The following SUGCT variants were observed in gnomAD, a reference collection of about 807,000 sequenced individuals.
SUGCT encodes the protein succinyl-CoA:glutarate-CoA transferase, also known as succinyl-CoA:glutarate CoA-transferase.
In SUGCT, 41 loss-of-function variants were observed where a neutral mutation model predicts 55.0. The observed-to-expected ratio is 0.74, with a 90% CI of 0.58 to 0.97. The LOEUF (loss-of-function observed/expected upper bound fraction) is 0.97. Among genes scored for constraint, SUGCT ranks in the 50% least tolerant of loss-of-function variants. SUGCT has a pLI of 0.00. For synonymous variants in SUGCT, 187 were observed against 200.4 expected (o/e 0.93, Z 0.56); for missense variants, 568 against 547.8 (o/e 1.04, Z -0.37).
chr7:40,702,032 A>G (rs1785191382), intron 12 of SUGCT, among the ~76,000 whole-genome samples: 1 of 152,232 alleles, frequency 6.6e-6, no homozygotes, highest in African/African-American at 2.4e-5. Context: ...GGGTTACATC[A>G]TCACAGGATT....
chr7:41,025,820 T>A, the SUGCT span, among the ~76,000 whole-genome samples: 1 of 152,146 alleles, frequency 6.6e-6, no homozygotes, highest in East Asian at 1.9e-4. Flanking sequence ...AAAGAAGGTG[T>A]ATTAGATTTT....
At chr7:40,159,357 T>C (rs939768938) in intron 1 of SUGCT, among the ~76,000 whole-genome samples, 5 of 152,050 alleles carry the variant, frequency 3.3e-5, no homozygotes, top group African/African-American at 1.2e-4. Flanking sequence ...GGATTCTAGT[T>C]TTTTTTAATT....
chr7:40,829,154 T>C (rs1241493248), intron 13 of SUGCT, among the ~76,000 whole-genome samples: 1 of 152,146 alleles, frequency 6.6e-6, no homozygotes, highest in African/African-American at 2.4e-5. Context: ...CCTTATATGG[T>C]TCCAGGAACT....
intron 13 of SUGCT, among the ~76,000 whole-genome samples, chr7:40,852,924 T>C (rs1793928117): frequency 6.6e-6 from 1 of 152,170 alleles, no homozygotes; most frequent in South Asian, 2.1e-4. Context: ...GAGCATTGGG[T>C]TTAATAAGTG....
chr7:40,910,576 C>T, the SUGCT span, among the ~76,000 whole-genome samples: 1 of 152,082 alleles, frequency 6.6e-6, no homozygotes, highest in African/African-American at 2.4e-5. Context: ...AGAATGCCTG[C>T]CTATGTGTCT....
chr7:40,141,412 A>G (rs1441456421), intron 1 of SUGCT, among the ~76,000 whole-genome samples: 5 of 152,030 alleles, frequency 3.3e-5, no homozygotes, highest in African/African-American at 1.2e-4. Flanking sequence ...AGGCAGATGG[A>G]TCACAAGGTT....
the SUGCT span, among the ~76,000 whole-genome samples, chr7:40,953,624 G>A: frequency 6.6e-6 from 1 of 152,024 alleles, no homozygotes; most frequent in East Asian, 1.9e-4. Context: ...ATACAGGTGG[G>A]GTTTTGGTGT....
At chr7:40,786,725 C>CT (rs1161550652) in intron 13 of SUGCT, among the ~76,000 whole-genome samples, 4 of 151,750 alleles carry the variant, frequency 2.6e-5, no homozygotes, top group Non-Finnish European at 5.9e-5. Flanking sequence ...AATCATACCC[C>CT]CTCACTAAAA....
At chr7:40,676,785 G>A (rs544370483) in intron 12 of SUGCT, among the ~76,000 whole-genome samples, 2 of 152,220 alleles carry the variant, frequency 1.3e-5, no homozygotes, top group East Asian at 3.9e-4. Context: ...TTACAGGCAT[G>A]AGCCACCACG....
chr7:40,143,823 C>G (rs1788108755), intron 1 of SUGCT, among the ~76,000 whole-genome samples: 1 of 152,138 alleles, frequency 6.6e-6, no homozygotes, highest in Admixed American at 6.5e-5. Flanking sequence ...GGGTCTGTCC[C>G]TGAAACCTCA....
chr7:40,923,270 TC>T, the SUGCT span, among the ~76,000 whole-genome samples: 8 of 152,326 alleles, frequency 5.3e-5, no homozygotes, highest in East Asian at 1.5e-3. Flanking sequence ...TCAGAGAACA[TC>T]ATAGAATTGT....
the SUGCT span, among the ~76,000 whole-genome samples, chr7:40,960,760 A>G: frequency 2.7e-3 from 417 of 152,334 alleles, 1 homozygote; most frequent in African/African-American, 9.6e-3. Context: ...TTCCATTTTC[A>G]TACAGTCTTC....
At chr7:40,506,877 G>A (rs1792633924) in intron 12 of SUGCT, among the ~76,000 whole-genome samples, 1 of 152,086 alleles carries the variant, frequency 6.6e-6, no homozygotes, top group East Asian at 1.9e-4. Flanking sequence ...ACTTATATTT[G>A]GTTCGTTTTA....
At chr7:40,444,460 T>C (rs1788698886) in intron 9 of SUGCT, among the ~76,000 whole-genome samples, 1 of 152,204 alleles carries the variant, frequency 6.6e-6, no homozygotes, top group African/African-American at 2.4e-5. Context: ...GTTGGATTCC[T>C]AGGCATTTTA....
Position 40,135,019 on chromosome 7 carries a change from C to T in SUGCT, c.-2C>T. On this transcript the variant is annotated 5_prime_UTR_variant, in exon 1 of 14. Coordinates refer to ENST00000335693, the MANE Select transcript of SUGCT (RefSeq NM_001193313.2). ...GGACCGATGCCATCTGAGACGCACGCGATGCTGGCGACGCTGGCGAGGGTG... is the reference window on the plus strand; with the variant it reads ...GGACCGATGCCATCTGAGACGCACGTGATGCTGGCGACGCTGGCGAGGGTG... 5.8e-6 allele frequency: 9 copies of T among 1,559,628 alleles called. No homozygotes were observed. The highest frequency in any genetic ancestry group is 7.8e-6 in the Non-Finnish European group (9 of 1,153,612).
chr7:40,878,591 A>G, the SUGCT span, among the ~76,000 whole-genome samples: 1 of 152,172 alleles, frequency 6.6e-6, no homozygotes, highest in Non-Finnish European at 1.5e-5. Flanking sequence ...CCTTGTTTAA[A>G]GGAAAATGAA....
chr7:40,545,325 T>A (rs1308095142), intron 12 of SUGCT, among the ~76,000 whole-genome samples: 1 of 152,208 alleles, frequency 6.6e-6, no homozygotes, highest in Non-Finnish European at 1.5e-5. Context: ...GAAGAAGTCC[T>A]CATGATAGAA....
chr7:40,898,649 T>C, the SUGCT span, among the ~76,000 whole-genome samples: 2 of 151,482 alleles, frequency 1.3e-5, no homozygotes, highest in African/African-American at 2.4e-5. Context: ...GCGTGAACCG[T>C]GGAGGCGGAC....
intron 12 of SUGCT, among the ~76,000 whole-genome samples, chr7:40,723,969 A>G (rs548445496): frequency 6.6e-6 from 1 of 152,350 alleles, no homozygotes; most frequent in South Asian, 2.1e-4. Flanking sequence ...AAAAGGATTC[A>G]AGGCAGTTTA....
Sources: gnomAD v4.1 joint callset for allele counts (sites outside exome capture counted in the v4.1 genomes callset) on GRCh38, gnomAD v4.1.1 for gene constraint, MANE v1.5 for transcripts, NCBI Gene and HGNC (gene_info 2026-07-23, HGNC 2026-07-21) for gene names.